IQCM: variants seen among roughly 807,000 people sequenced by gnomAD.
The protein encoded by IQCM is IQ domain-containing protein M.
Under a neutral mutation model 57.6 loss-of-function variants are expected in IQCM, and 45 were observed. That is an observed-to-expected ratio of 0.78 (90% CI 0.62 to 1.00). The LOEUF (loss-of-function observed/expected upper bound fraction) is 1.00. Among genes scored for constraint, IQCM ranks in the 50% least tolerant of loss-of-function variants. The pLI is 0.00. For missense variants in IQCM, 468 were observed against 511.6 expected (o/e 0.91, Z 0.82); for synonymous variants, 148 against 158.9 (o/e 0.93, Z 0.51).
intron 2 of IQCM, among the ~76,000 whole-genome samples, chr4:149,799,009 A>G (rs1256608280): frequency 6.6e-6 from 1 of 151,160 alleles, no homozygotes; most frequent in African/African-American, 2.4e-5. Flanking sequence ...AGAATATTTC[A>G]TCCAAGAGCT....
chr4:149,557,755 T>G (rs1007021050), intron 10 of IQCM, among the ~76,000 whole-genome samples: 1 of 152,204 alleles, frequency 6.6e-6, no homozygotes, highest in Non-Finnish European at 1.5e-5. Flanking sequence ...AACGCTAATC[T>G]TGTCAAGTAA....
chr4:149,595,612 G>A (rs150522527), intron 8 of IQCM, among the ~76,000 whole-genome samples: 27 of 152,236 alleles, frequency 1.8e-4, no homozygotes, highest in African/African-American at 6.3e-4. Flanking sequence ...GCAGTGGGCT[G>A]CATTCTTTAT....
At chr4:149,429,462 A>G (rs1172046139) in intron 13 of IQCM, among the ~76,000 whole-genome samples, 2 of 151,864 alleles carry the variant, frequency 1.3e-5, no homozygotes, top group African/African-American at 2.4e-5. Context: ...CAATCAAGCC[A>G]CTACTCTAGG....
intron 12 of IQCM, among the ~76,000 whole-genome samples, chr4:149,539,846 C>G (rs1348023524): frequency 6.6e-6 from 1 of 152,040 alleles, no homozygotes; most frequent in Non-Finnish European, 1.5e-5. Context: ...GCCTGGGCAA[C>G]AGAGCAAGAC....
chr4:149,638,115 G>A, intron 7 of IQCM, among the ~76,000 whole-genome samples: 1 of 152,060 alleles, frequency 6.6e-6, no homozygotes, highest in East Asian at 1.9e-4. Context: ...TTTTTAAAAT[G>A]GGCAAAGGAC....
intron 8 of IQCM, among the ~76,000 whole-genome samples, chr4:149,612,618 A>C (rs562193972): frequency 1.1e-4 from 17 of 152,264 alleles, no homozygotes; most frequent in African/African-American, 4.1e-4. Context: ...TTGTTTTAAA[A>C]AACAAAAAAA....
intron 13 of IQCM, among the ~76,000 whole-genome samples, chr4:149,391,158 G>C (rs772064963): frequency 6.6e-6 from 1 of 151,896 alleles, no homozygotes; most frequent in African/African-American, 2.4e-5. Context: ...GTTTTAACTA[G>C]TAGTTTGATC....
chr4:149,795,804 A>G (rs934288880), intron 2 of IQCM, among the ~76,000 whole-genome samples: 1 of 152,156 alleles, frequency 6.6e-6, no homozygotes, highest in African/African-American at 2.4e-5. Context: ...CCTGGATGAC[A>G]CTTCTAGAAA....
chr4:149,534,294 C>CT (rs1747058035), intron 12 of IQCM, among the ~76,000 whole-genome samples: 1 of 151,758 alleles, frequency 6.6e-6, no homozygotes, highest in Admixed American at 6.6e-5. Context: ...AATTTTGTGC[C>CT]TTTTTTGATT....
chr4:149,489,455 A>C (rs1280984384), intron 12 of IQCM, among the ~76,000 whole-genome samples: 1 of 152,076 alleles, frequency 6.6e-6, no homozygotes, highest in Non-Finnish European at 1.5e-5. Flanking sequence ...AAACTCAATA[A>C]TGAGTGCTAC....
chr4:149,620,931 C>T (rs551225978), intron 8 of IQCM, among the ~76,000 whole-genome samples, 198 bp downstream of exon 8: 5 of 152,226 alleles, frequency 3.3e-5, no homozygotes, highest in South Asian at 2.1e-4. Flanking sequence ...ATTGTGGGAT[C>T]GGGTGATCAG....
chr4:149,584,021 T>C (rs1181755858), intron 9 of IQCM, among the ~76,000 whole-genome samples: 2 of 151,582 alleles, frequency 1.3e-5, no homozygotes, highest in African/African-American at 2.4e-5. Context: ...CTATCATTCA[T>C]GTACACATTA....
intron 2 of IQCM, among the ~76,000 whole-genome samples, chr4:149,787,015 CAT>C (rs1355472802): frequency 2.0e-5 from 3 of 152,186 alleles, no homozygotes; most frequent in Non-Finnish European, 1.5e-5. Flanking sequence ...GGAATGATAT[CAT>C]GTCCTTTGCA....
At chr4:149,503,539 C>A (rs762361661) in intron 12 of IQCM, among the ~76,000 whole-genome samples, 1 of 152,000 alleles carries the variant, frequency 6.6e-6, no homozygotes, top group Non-Finnish European at 1.5e-5. Context: ...TTTTGATGTG[C>A]AGCCAAATTG....
intron 12 of IQCM, among the ~76,000 whole-genome samples, chr4:149,486,142 G>A (rs1170778343): frequency 6.6e-6 from 1 of 151,472 alleles, no homozygotes; most frequent in Non-Finnish European, 1.5e-5. Flanking sequence ...CACTATGACT[G>A]TGCTGAGTCA....
intron 9 of IQCM, among the ~76,000 whole-genome samples, chr4:149,569,558 G>A (rs2149954921): frequency 6.6e-6 from 1 of 152,154 alleles, no homozygotes; most frequent in South Asian, 2.1e-4. Context: ...ATCATTAGCA[G>A]GTAGTTTCTG....
chr4:149,815,408 T>C (rs1446566394), intron 1 of IQCM, 60 bp from the exon 2 acceptor site: 2 of 151,894 alleles, frequency 1.3e-5, no homozygotes, highest in Non-Finnish European at 2.9e-5. Context: ...CAAAAAACAT[T>C]GTCAACCATA....
In IQCM at chr4:149,772,920, T is replaced by A. The variant is rs184169981; in HGVS notation, c.-48-30181A>T. Among the ~76,000 whole-genome samples the A allele has an allele frequency of 4.4e-3, 676 of 152,264 alleles. 6 individuals carry two copies. Among genetic ancestry groups the A allele is most frequent in the African/African-American group, 0.015 (642 of 41,536 alleles). On this transcript the variant is annotated intron_variant, in intron 2 of 13. Coordinates refer to ENST00000636793, the MANE Select transcript of IQCM (RefSeq NM_001363507.2). ...TTAAAGGCTAGCAGCTAAGATTTTT[T>A]AAAAAACACTTGAAAGCCTGTTGTA...
At chr4:149,409,653 A>C (rs1353420618) in intron 13 of IQCM, among the ~76,000 whole-genome samples, 1 of 152,178 alleles carries the variant, frequency 6.6e-6, no homozygotes, top group African/African-American at 2.4e-5. Flanking sequence ...ACGCTTCTGA[A>C]CAGCTCTGAA....
Sources: allele counts gnomAD v4.1 joint callset (sites outside exome capture counted in the v4.1 genomes callset), GRCh38; gene constraint gnomAD v4.1.1; transcripts MANE v1.5; gene names NCBI Gene and HGNC (gene_info 2026-07-23, HGNC 2026-07-21).